Variants in ATP8A1 observed in about 807,000 individuals in gnomAD.
ATP8A1 encodes the protein phospholipid-transporting ATPase IA.
ATP8A1 carries 90 observed loss-of-function variants against 177.7 expected under a neutral mutation model. The observed-to-expected ratio is 0.51, with a 90% CI of 0.43 to 0.60. The LOEUF (loss-of-function observed/expected upper bound fraction) is 0.60. Among genes scored for constraint, ATP8A1 ranks in the 20% least tolerant of loss-of-function variants. The pLI is 0.00. For synonymous variants in ATP8A1, 493 were observed against 485.9 expected (o/e 1.01, Z -0.19); for missense variants, 1,072 against 1,392.8 (o/e 0.77, Z 3.67).
At chr4:42,652,265 T>C (rs894158594) in intron 1 of ATP8A1, among the ~76,000 whole-genome samples, 3 of 152,182 alleles carry the variant, frequency 2.0e-5, no homozygotes, top group African/African-American at 7.2e-5. Flanking sequence ...TTCCTCAAAA[T>C]GTGTTTCACC....
intron 33 of ATP8A1, 30 bp downstream of exon 33, chr4:42,443,535 G>C: frequency 1.1e-6 from 1 of 891,100 alleles, no homozygotes; most frequent in Non-Finnish European, 1.9e-6. Flanking sequence ...TTAAGGTTTT[G>C]TTGGATTGTG....
intron 25 of ATP8A1, among the ~76,000 whole-genome samples, chr4:42,482,952 T>C (rs546315474): frequency 1.3e-5 from 2 of 152,190 alleles, no homozygotes; most frequent in Non-Finnish European, 2.9e-5. Context: ...CCAAACTGTA[T>C]TTAGAAATAA....
At chr4:42,413,493 G>A (rs971473321) in intron 36 of ATP8A1, among the ~76,000 whole-genome samples, 5 of 152,134 alleles carry the variant, frequency 3.3e-5, no homozygotes, top group Non-Finnish European at 5.9e-5. Context: ...TGGCTTCAGG[G>A]ACCCCCTTAA....
At chr4:42,600,648 CTAATTA>C (rs1217224553) in intron 5 of ATP8A1, 130 bp from the exon 6 acceptor site, 1 of 762,316 alleles carries the variant, frequency 1.3e-6, no homozygotes, top group Non-Finnish European at 2.1e-6. Flanking sequence ...GGTTAAAATT[CTAATTA>C]TGATAGCAAG....
At chr4:42,605,890 A>G (rs781449386) in intron 5 of ATP8A1, among the ~76,000 whole-genome samples, 13 of 152,208 alleles carry the variant, frequency 8.5e-5, no homozygotes, top group Non-Finnish European at 1.3e-4. Flanking sequence ...CCAAATGACA[A>G]AATCAATACA....
intron 19 of ATP8A1, among the ~76,000 whole-genome samples, chr4:42,544,513 AAACTT>A (rs1728699141): frequency 6.6e-6 from 1 of 152,254 alleles, no homozygotes; most frequent in East Asian, 1.9e-4. Context: ...ATCATGCTAA[AAACTT>A]AATTTATGCA....
intron 7 of ATP8A1, 185 bp from the exon 8 acceptor site, chr4:42,588,514 C>A: frequency 2.0e-6 from 1 of 496,806 alleles, no homozygotes; most frequent in African/African-American, 2.0e-5. Flanking sequence ...TGACAACTCA[C>A]GGATTAGCTT....
chr4:42,437,535 T>C (rs1387994348), intron 33 of ATP8A1, among the ~76,000 whole-genome samples: 1 of 152,212 alleles, frequency 6.6e-6, no homozygotes, highest in East Asian at 1.9e-4. Flanking sequence ...CTAGTTTCTT[T>C]TTCCTTTCCT....
intron 5 of ATP8A1, among the ~76,000 whole-genome samples, chr4:42,603,099 T>C (rs915120922): frequency 6.6e-6 from 1 of 152,168 alleles, no homozygotes; most frequent in Admixed American, 6.5e-5. Flanking sequence ...ATTTCTAAAA[T>C]CAAGATATTT....
At chr4:42,585,151 C>T (rs746595721) in intron 9 of ATP8A1, among the ~76,000 whole-genome samples, 24 of 152,160 alleles carry the variant, frequency 1.6e-4, no homozygotes, top group Non-Finnish European at 2.6e-4. Flanking sequence ...ATGTCCTCAC[C>T]TCCCACTCAT....
chr4:42,422,984 G>A (rs1341891476), intron 34 of ATP8A1, 85 bp from the exon 35 acceptor site: 17 of 994,102 alleles, frequency 1.7e-5, no homozygotes, highest in Non-Finnish European at 2.3e-5. Context: ...ATTATCACGC[G>A]GTTGATAAAG....
chr4:42,557,466 C>T (rs1730359592), intron 15 of ATP8A1, among the ~76,000 whole-genome samples: 1 of 152,170 alleles, frequency 6.6e-6, no homozygotes, highest in East Asian at 1.9e-4. Flanking sequence ...ACAGTAACAT[C>T]TTGCAAGAAG....
chr4:42,581,660 T>A lies in ATP8A1; in HGVS notation c.795A>T (p.Gly265=), dbSNP rs1419523454. 3 of 1,614,128 alleles carry A rather than the reference T, an allele frequency of 1.9e-6. No individual in the cohort carries two copies. Among genetic ancestry groups the A allele is most frequent in the Non-Finnish European group, 2.5e-6 (3 of 1,179,982 alleles). The change falls in exon 10 of 37, where the codon GGA becomes GGT. Residue 265 remains glycine, a synonymous_variant. Transcript: ENST00000381668. Reference sequence around the variant, plus strand: ...TGTCATGTCCAGTGTAGACAACTATTCCATGAACCCACTGTGTATTTCTCA... The same window carrying A: ...TGTCATGTCCAGTGTAGACAACTATACCATGAACCCACTGTGTATTTCTCA... ...AQLRNTQWVH[G]IVVYTGHDTK... is the part of the protein sequence containing the mutation.
At chr4:42,539,616 G>T (rs1023930912) in intron 20 of ATP8A1, among the ~76,000 whole-genome samples, 1 of 151,818 alleles carries the variant, frequency 6.6e-6, no homozygotes, top group Non-Finnish European at 1.5e-5. Flanking sequence ...CATAAATCTA[G>T]GGAACCCAGA....
chr4:42,640,874 T>G (rs1739905534), intron 1 of ATP8A1, among the ~76,000 whole-genome samples: 1 of 151,986 alleles, frequency 6.6e-6, no homozygotes, highest in Non-Finnish European at 1.5e-5. Context: ...TGTGGATTTG[T>G]GGTCAGTCAA....
chr4:42,550,893 C>A (rs1729439035), intron 18 of ATP8A1, among the ~76,000 whole-genome samples: 1 of 152,066 alleles, frequency 6.6e-6, no homozygotes, highest in Non-Finnish European at 1.5e-5. Context: ...GGAATAAAAT[C>A]ATAATAATTT....
chr4:42,553,716 A>G (rs1010345466), intron 16 of ATP8A1, among the ~76,000 whole-genome samples: 1 of 152,192 alleles, frequency 6.6e-6, no homozygotes, highest in Non-Finnish European at 1.5e-5. Flanking sequence ...CTAAACAGAC[A>G]TGGTCCCTGC....
Position 42,599,439 on chromosome 4 carries a change from C to T in ATP8A1, c.450+1039G>A, listed in dbSNP as rs1031457087. The stretch of plus-strand genomic sequence containing the variant: ...TATCACAGAAATAAATAAAACACAA[C>T]CAAGGTATTTTCCCATTTGTTGCTC... On this transcript the variant is annotated intron_variant, in intron 6 of 36. Transcript: ENST00000381668. Among the ~76,000 whole-genome samples the T allele has an allele frequency of 4.3e-4, 66 of 152,030 alleles. 2 individuals are homozygous for T. The highest frequency in any genetic ancestry group is 4.8e-5 in the African/African-American group (2 of 41,380).
chr4:42,588,522 C>T (rs774083604), intron 7 of ATP8A1, 193 bp from the exon 8 acceptor site: 42 of 490,438 alleles, frequency 8.6e-5, no homozygotes, highest in Non-Finnish European at 1.4e-4. Flanking sequence ...CACGGATTAG[C>T]TTTTCAGCCA....
Sources: gnomAD v4.1 joint callset for allele counts (sites outside exome capture counted in the v4.1 genomes callset) on GRCh38, gnomAD v4.1.1 for gene constraint, MANE v1.5 for transcripts, NCBI Gene and HGNC (gene_info 2026-07-23, HGNC 2026-07-21) for gene names.